SLC4A4: variants seen among roughly 807,000 people sequenced by gnomAD.
SLC4A4 encodes the protein electrogenic sodium bicarbonate cotransporter 1.
In SLC4A4, 27 loss-of-function variants were observed where a neutral mutation model predicts 111.5. The observed-to-expected ratio is 0.24, with a 90% confidence interval of 0.18 to 0.33. The LOEUF (loss-of-function observed/expected upper bound fraction) is 0.33. Among genes scored for constraint, SLC4A4 ranks in the 10% least tolerant of loss-of-function variants. The pLI is 1.00. For missense variants in SLC4A4, 909 were observed against 1,315.5 expected, an observed-to-expected ratio of 0.69 and a Z score of 4.78; for synonymous variants, 443 against 463.4, an observed-to-expected ratio of 0.96 and a Z score of 0.57.
chr4:71,282,284 T>C (rs1299929906), intron 3 of SLC4A4, among the ~76,000 whole-genome samples: 1 of 151,044 alleles, frequency 6.6e-6, no homozygotes, highest in Non-Finnish European at 1.5e-5. Context: ...AAAAAGGGCA[T>C]CCCTAAAGAT....
At chr4:71,185,813 T>G (rs542136326), upstream of SLC4A4, among the ~76,000 whole-genome samples, 3 of 152,334 alleles carry the variant, frequency 2.0e-5, no homozygotes, top group South Asian at 6.2e-4. Context: ...GCTATAGCTT[T>G]GTATTGAAGA....
At chr4:71,415,099 A>G (rs937793518) in intron 7 of SLC4A4, among the ~76,000 whole-genome samples, 14 of 152,206 alleles carry the variant, frequency 9.2e-5, no homozygotes, top group African/African-American at 3.1e-4. Context: ...TTAGCATGAG[A>G]TGCTGTCTCT....
At position 71,206,033 on chromosome 4, in the gene SLC4A4, G is replaced by C. The variant is rs558863403; in HGVS notation, c.-2+18632G>C. Among the ~76,000 whole-genome samples the C allele has an allele frequency of 2.6e-5, 4 of 152,318 alleles. No homozygotes were observed. In the East Asian group the frequency reaches 5.8e-4, roughly 22 times the overall value. The stretch of plus-strand genomic sequence containing the variant: ...TTGTGGGAAATTGCTCATTGACTAT[G>C]TCGTAGAACGCATTTGGGAAGTAGG... On this transcript the variant is annotated intron_variant, in intron 1 of 25. Transcript: ENST00000264485.
intron 3 of SLC4A4, among the ~76,000 whole-genome samples, chr4:71,330,821 T>C (rs1727917437): frequency 6.6e-6 from 1 of 152,026 alleles, no homozygotes; most frequent in Non-Finnish European, 1.5e-5. Context: ...GAGAAAATTT[T>C]TGCAATCTAC....
chr4:71,411,370 C>A (rs569785236), intron 7 of SLC4A4, among the ~76,000 whole-genome samples: 2 of 152,252 alleles, frequency 1.3e-5, no homozygotes, highest in East Asian at 3.9e-4. Context: ...ACGCCCCCCC[C>A]CTCTTGCCCC....
chr4:71,353,069 C>G (rs549668296), intron 5 of SLC4A4, among the ~76,000 whole-genome samples: 4 of 152,300 alleles, frequency 2.6e-5, no homozygotes, highest in African/African-American at 9.6e-5. Context: ...CCAGATTATA[C>G]TGGAACGTCT....
intron 9 of SLC4A4, among the ~76,000 whole-genome samples, chr4:71,448,016 A>T (rs1725389049): frequency 6.6e-6 from 1 of 152,136 alleles, no homozygotes; most frequent in Admixed American, 6.5e-5. Context: ...TATGTCAAAT[A>T]TTCTTTAAAA....
At chr4:71,204,518 T>C (rs1369557967) in intron 1 of SLC4A4, among the ~76,000 whole-genome samples, 1 of 152,204 alleles carries the variant, frequency 6.6e-6, no homozygotes, top group Non-Finnish European at 1.5e-5. Flanking sequence ...GGTTTCACTT[T>C]TCATCTTACT....
At chr4:71,173,598 G>A (rs1745004975) in intron 2 of SLC4A4, among the ~76,000 whole-genome samples, 1 of 151,970 alleles carries the variant, frequency 6.6e-6, no homozygotes, top group South Asian at 2.1e-4. Context: ...CCAGGTCTCA[G>A]TCTCCTGACC....
intron 3 of SLC4A4, among the ~76,000 whole-genome samples, chr4:71,293,595 T>C (rs1724554766): frequency 6.6e-6 from 1 of 151,776 alleles, no homozygotes; most frequent in Admixed American, 6.6e-5. Flanking sequence ...AGACTTTGTA[T>C]AATGCAATTA....
Position 71,366,032 on chromosome 4 carries a change from T to C in SLC4A4, c.730+8845T>C, listed in dbSNP as rs56691610. 8.0e-3 allele frequency among the ~76,000 whole-genome samples: 1,206 copies of C among 151,492 alleles called. 17 individuals are homozygous for C. Among genetic ancestry groups the C allele is most frequent in the African/African-American group, 0.026 (1,067 of 41,494 alleles). On this transcript the variant is annotated intron_variant, in intron 6 of 25. Transcript: ENST00000264485. The stretch of plus-strand genomic sequence containing the variant: ...AGGGCTCTGGAGGCCATTCTACATC[T>C]AAGCAGGAAAACACACCAAACATGG...
chr4:71,466,041 G>A (rs1727279402), intron 12 of SLC4A4, among the ~76,000 whole-genome samples: 1 of 152,078 alleles, frequency 6.6e-6, no homozygotes, highest in Non-Finnish European at 1.5e-5. Context: ...TGTGCAAGGC[G>A]AAATCAGGCT....
chr4:71,109,006 T>C (rs184426758), intron 2 of SLC4A4, among the ~76,000 whole-genome samples: 1 of 152,154 alleles, frequency 6.6e-6, no homozygotes, highest in African/African-American at 2.4e-5. Context: ...TTGGTTTATA[T>C]ATATTTTTTC....
chr4:71,103,827 C>A (rs1457185404), intron 2 of SLC4A4, among the ~76,000 whole-genome samples: 5 of 149,522 alleles, frequency 3.3e-5, no homozygotes, highest in African/African-American at 9.9e-5. Flanking sequence ...CAGGAAAGAT[C>A]CAAAATTGAC....
intron 1 of SLC4A4, among the ~76,000 whole-genome samples, chr4:71,086,637 G>A (rs1282911037): frequency 5.9e-5 from 9 of 151,948 alleles, no homozygotes; most frequent in Non-Finnish European, 8.8e-5. Flanking sequence ...TTTGTCAAAG[G>A]CATTTTCTGC....
intron 1 of SLC4A4, among the ~76,000 whole-genome samples, chr4:71,206,862 G>A (rs953217725): frequency 6.6e-6 from 1 of 151,756 alleles, no homozygotes; most frequent in African/African-American, 2.4e-5. Context: ...TGATTGGTTT[G>A]GGGTTTCATT....
intron 24 of SLC4A4, among the ~76,000 whole-genome samples, chr4:71,565,937 A>T (rs1250521224): frequency 1.3e-5 from 2 of 151,820 alleles, no homozygotes; most frequent in East Asian, 1.9e-4. Flanking sequence ...AGAAACCAAG[A>T]CAGAAGCTGC....
At chr4:71,110,540 T>G (rs543254311) in intron 2 of SLC4A4, among the ~76,000 whole-genome samples, 1 of 152,322 alleles carries the variant, frequency 6.6e-6, no homozygotes, top group East Asian at 1.9e-4. Flanking sequence ...AACTTTAAAG[T>G]GAAACGAAAT....
intron 1 of SLC4A4, among the ~76,000 whole-genome samples, chr4:71,220,498 C>T (rs73828770): frequency 0.052 from 7,913 of 152,156 alleles, 448 homozygotes; most frequent in East Asian, 0.13. Flanking sequence ...AACCTCACCA[C>T]CATTATCATA....
Sources: allele counts gnomAD v4.1 joint callset (sites outside exome capture counted in the v4.1 genomes callset), GRCh38; gene constraint gnomAD v4.1.1; transcripts MANE v1.5; gene names NCBI Gene and HGNC (gene_info 2026-07-23, HGNC 2026-07-21).